NLGN1: variants seen among roughly 807,000 people sequenced by gnomAD.
The protein encoded by NLGN1 is neuroligin 1, also known as neuroligin-1.
Under a neutral mutation model 65.5 loss-of-function variants are expected in NLGN1, and 12 were observed. The observed-to-expected ratio is 0.18, with a 90% CI of 0.12 to 0.30. NLGN1 has a LOEUF of 0.30. Among genes scored for constraint, NLGN1 ranks in the 10% least tolerant of loss-of-function variants. NLGN1 has a pLI of 1.00. For synonymous variants in NLGN1, 350 were observed against 359.5 expected (o/e 0.97, Z 0.30); for missense variants, 750 against 1,007.1 (o/e 0.74, Z 3.46).
At chr3:173,988,221 C>T (rs1579596749) in intron 4 of NLGN1, among the ~76,000 whole-genome samples, 1 of 152,056 alleles carries the variant, frequency 6.6e-6, no homozygotes, top group Non-Finnish European at 1.5e-5. Flanking sequence ...AATCTAATAG[C>T]CCTAGTCAGG....
At chr3:174,289,957 A>ATATATATATG (rs1340096614), downstream of NLGN1, among the ~76,000 whole-genome samples, 117 of 41,540 alleles carry the variant, frequency 2.8e-3, 1 homozygote, top group East Asian at 0.02. Context: ...ATATATGTGT[A>ATATATATATG]TATATATATA....
chr3:173,890,665 C>T (rs556064788), intron 4 of NLGN1, among the ~76,000 whole-genome samples: 2 of 152,242 alleles, frequency 1.3e-5, no homozygotes, highest in South Asian at 4.1e-4. Flanking sequence ...TAACAAAGTA[C>T]TCTTAAGGCT....
rs554131493 is a variant in NLGN1, at chr3:174,156,502, T to C, written c.647-118813T>C. Among the ~76,000 whole-genome samples, 16 of 152,028 alleles carry C rather than the reference T, an allele frequency of 1.1e-4. 1 individual carries two copies. The South Asian group carries it at 2.7e-3, about 26-fold the overall frequency. The stretch of plus-strand genomic sequence containing the variant: ...AAACACCTTTCACGCAATGACTCTG[T>C]ATAACTAGTCATTTGTCAGGGAAAA... On this transcript the variant is annotated intron_variant, in intron 4 of 6. Transcript: ENST00000457714.
intron 4 of NLGN1, among the ~76,000 whole-genome samples, chr3:173,896,261 G>A (rs1038299282): frequency 6.6e-6 from 1 of 152,098 alleles, no homozygotes; most frequent in African/African-American, 2.4e-5. Flanking sequence ...CAAAAGATCT[G>A]CTTTGTGAAG....
intron 3 of NLGN1, among the ~76,000 whole-genome samples, chr3:173,780,371 T>C (rs1780941157): frequency 6.6e-6 from 1 of 152,210 alleles, no homozygotes; most frequent in Non-Finnish European, 1.5e-5. Context: ...AAAATGTTCG[T>C]TATGTTCAAA....
intron 2 of NLGN1, among the ~76,000 whole-genome samples, chr3:173,561,850 G>GA (rs1266690226): frequency 6.6e-6 from 1 of 152,170 alleles, no homozygotes; most frequent in Non-Finnish European, 1.5e-5. Flanking sequence ...ATGGGAGAGA[G>GA]AAAACGTGCA....
chr3:173,422,642 C>CT (rs1330829839), intron 1 of NLGN1, among the ~76,000 whole-genome samples: 13 of 151,910 alleles, frequency 8.6e-5, no homozygotes, highest in African/African-American at 3.1e-4. Context: ...ATTTTTTTGT[C>CT]TTTTTGATCA....
At chr3:173,498,548 T>C (rs992322344) in intron 2 of NLGN1, among the ~76,000 whole-genome samples, 4 of 151,886 alleles carry the variant, frequency 2.6e-5, no homozygotes, top group African/African-American at 9.7e-5. Context: ...GCATGTTTTA[T>C]AATCCTCTGG....
At chr3:173,793,911 A>G (rs1204028369) in intron 3 of NLGN1, among the ~76,000 whole-genome samples, 1 of 152,056 alleles carries the variant, frequency 6.6e-6, no homozygotes, top group Non-Finnish European at 1.5e-5. Flanking sequence ...TGCTTTTAAG[A>G]TTAAGACAAA....
intron 2 of NLGN1, among the ~76,000 whole-genome samples, chr3:173,508,011 GTTAGTGATAGAA>G (rs1166506292): frequency 6.6e-6 from 1 of 152,178 alleles, no homozygotes; most frequent in African/African-American, 2.4e-5. Context: ...CCTAATAAAT[GTTAGTGATAGAA>G]TTAGTGTGTT....
At chr3:174,248,834 A>C (rs1744270872) in intron 4 of NLGN1, among the ~76,000 whole-genome samples, 1 of 152,210 alleles carries the variant, frequency 6.6e-6, no homozygotes, top group African/African-American at 2.4e-5. Context: ...AAGACTATAT[A>C]GTATAGGAAA....
intron 2 of NLGN1, among the ~76,000 whole-genome samples, chr3:173,506,647 A>G (rs114377219): frequency 0.024 from 3,622 of 152,250 alleles, 55 homozygotes; most frequent in Middle Eastern, 0.048. Flanking sequence ...AGACATATAA[A>G]TACCCATATT....
chr3:174,271,564 T>TA (rs1749409623), intron 4 of NLGN1, among the ~76,000 whole-genome samples: 2 of 151,802 alleles, frequency 1.3e-5, no homozygotes, highest in African/African-American at 4.8e-5. Context: ...CAGGCCTGGT[T>TA]ATTTTTCCAT....
intron 3 of NLGN1, among the ~76,000 whole-genome samples, chr3:173,754,070 G>A (rs1218015443): frequency 9.3e-5 from 13 of 139,990 alleles, no homozygotes; most frequent in Admixed American, 9.1e-4. Flanking sequence ...TTGAGACAGG[G>A]TCTCACTCTG....
At chr3:173,637,753 C>G (rs541832056) in intron 3 of NLGN1, among the ~76,000 whole-genome samples, 55 of 152,234 alleles carry the variant, frequency 3.6e-4, no homozygotes, top group African/African-American at 1.3e-3. Context: ...GTTGCATGGG[C>G]TAGGTATACT....
chr3:173,718,473 A>C (rs1770254360), intron 3 of NLGN1, among the ~76,000 whole-genome samples: 1 of 152,192 alleles, frequency 6.6e-6, no homozygotes, highest in Non-Finnish European at 1.5e-5. Context: ...AAAAAATGCC[A>C]GTCACAAATT....
intron 2 of NLGN1, among the ~76,000 whole-genome samples, chr3:173,508,784 T>C (rs1256251855): frequency 3.9e-5 from 6 of 152,142 alleles, no homozygotes; most frequent in East Asian, 1.9e-4. Flanking sequence ...TCCAGTCTTA[T>C]CGAACTCTCC....
At chr3:173,534,596 A>G (rs1737139659) in intron 2 of NLGN1, among the ~76,000 whole-genome samples, 1 of 152,224 alleles carries the variant, frequency 6.6e-6, no homozygotes, top group African/African-American at 2.4e-5. Context: ...GGCAGGAGCT[A>G]TAATAGTAAG....
intron 4 of NLGN1, among the ~76,000 whole-genome samples, chr3:174,265,423 G>T (rs1168242129): frequency 6.6e-6 from 1 of 152,134 alleles, no homozygotes; most frequent in African/African-American, 2.4e-5. Flanking sequence ...ACAATATTCG[G>T]ATGGGAGTGA....
Sources: gnomAD v4.1 joint callset for allele counts (sites outside exome capture counted in the v4.1 genomes callset) on GRCh38, gnomAD v4.1.1 for gene constraint, MANE v1.5 for transcripts, NCBI Gene and HGNC (gene_info 2026-07-23, HGNC 2026-07-21) for gene names.